The following SNX7 variants were observed in gnomAD, a reference collection of about 807,000 sequenced individuals.
SNX7 encodes the protein sorting nexin-7.
Under a neutral mutation model 48.4 loss-of-function variants are expected in SNX7, and 35 were observed. The ratio of observed to expected loss-of-function variants is 0.72; its 90% CI spans 0.55 to 0.96. SNX7 has a LOEUF of 0.96. SNX7 is among the 40% of genes least tolerant of loss of function. SNX7 has a pLI of 0.00. For missense variants in SNX7, 553 were observed against 548.9 expected (o/e 1.01, Z -0.07); for synonymous variants, 190 against 190.2 (o/e 1.00, Z 0.01).
At chr1:98,703,646 A>C (rs1313159085) in intron 7 of SNX7, among the ~76,000 whole-genome samples, 1 of 151,990 alleles carries the variant, frequency 6.6e-6, no homozygotes, top group Non-Finnish European at 1.5e-5. Flanking sequence ...CACTCTTTCT[A>C]TATATAGTTA....
At chr1:98,741,678 A>G (rs912085322) in intron 8 of SNX7, among the ~76,000 whole-genome samples, 26 of 152,162 alleles carry the variant, frequency 1.7e-4, no homozygotes, top group African/African-American at 4.6e-4. Flanking sequence ...AAAGAAAATG[A>G]CTTCCTGCTA....
chr1:98,739,172 C>T (rs1004794214), intron 8 of SNX7, among the ~76,000 whole-genome samples: 1 of 152,024 alleles, frequency 6.6e-6, no homozygotes, highest in Non-Finnish European at 1.5e-5. Context: ...CCCTTACATG[C>T]GCAGTTCACA....
At position 98,735,004 on chromosome 1, in the gene SNX7, C is replaced by CT. The variant is rs767552787; in HGVS notation, c.1126-3232dup. On this transcript the variant is annotated intron_variant, in intron 7 of 8. Coordinates refer to ENST00000306121, the MANE Select transcript of SNX7 (RefSeq NM_015976.5). ...TTTTGCAGTATATGGATTGAATTTCCTATGGTTAGAGTTATTGAAACCCGA... is the reference window on the plus strand; with the variant it reads ...TTTTGCAGTATATGGATTGAATTTCCTTATGGTTAGAGTTATTGAAACCCGA... 7.8e-4 allele frequency among the ~76,000 whole-genome samples: 118 copies of CT among 152,176 alleles called. 1 individual carries two copies. The highest frequency in any genetic ancestry group is 1.3e-3 in the Non-Finnish European group (87 of 67,994).
chr1:98,733,890 T>C (rs12057921), intron 7 of SNX7, among the ~76,000 whole-genome samples: 42,035 of 152,050 alleles, frequency 0.28, 6,133 homozygotes, highest in Middle Eastern at 0.31. Context: ...TTTCCACATA[T>C]CTCTGACTCA....
intron 8 of SNX7, among the ~76,000 whole-genome samples, chr1:98,758,276 C>T (rs1654948292): frequency 6.6e-6 from 1 of 151,960 alleles, no homozygotes. Flanking sequence ...TGAGTATAGA[C>T]ATTTGGATAC....
chr1:98,751,854 T>C (rs936965777), intron 8 of SNX7, among the ~76,000 whole-genome samples: 1 of 152,096 alleles, frequency 6.6e-6, no homozygotes, highest in East Asian at 1.9e-4. Context: ...TGACATCTTA[T>C]TCAAATGGAA....
chr1:98,675,505 A>G (rs1650113970), intron 1 of SNX7, among the ~76,000 whole-genome samples: 1 of 152,166 alleles, frequency 6.6e-6, no homozygotes, highest in South Asian at 2.1e-4. Flanking sequence ...TTGTAAATTC[A>G]TGCAGATTTT....
rs960431733 is a variant in SNX7, at chr1:98,695,780, T to G, written c.838+64T>G. On this transcript the variant is annotated intron_variant, in intron 5 of 8. Coordinates refer to ENST00000306121, the MANE Select transcript of SNX7 (RefSeq NM_015976.5). ...AGTTTCTGATGAATCTTCACATTTG[T>G]TGGTGTAATATAGCAACATTCAGTT... The G allele has an allele frequency of 5.1e-6, 6 of 1,186,742 alleles. No homozygotes were observed. In the African/African-American group the frequency reaches 7.5e-5, roughly 15 times the overall value. The allele number at this position is 1,186,742 out of a possible 1,614,324, so 73.5% of individuals were successfully genotyped here.
intron 7 of SNX7, among the ~76,000 whole-genome samples, chr1:98,735,718 A>G (rs1370474340): frequency 6.6e-6 from 1 of 152,130 alleles, no homozygotes; most frequent in Non-Finnish European, 1.5e-5. Context: ...TTCATGCTGC[A>G]GTTTTTATAA....
chr1:98,738,403 T>A lies in SNX7; in HGVS notation c.1278+14T>A. 6.2e-7 allele frequency: 1 copy of A among 1,609,950 alleles called. No homozygotes were observed. The highest frequency in any genetic ancestry group is 8.5e-7 in the Non-Finnish European group (1 of 1,177,300). On this transcript the variant is annotated intron_variant, in intron 8 of 8. Coordinates refer to ENST00000306121, the MANE Select transcript of SNX7 (RefSeq NM_015976.5). ...TATTATGAACAGGTAATTAGTGTTGTTTGATATTGCTTCATTTTAAAGTTA... is the reference window on the plus strand; with the variant it reads ...TATTATGAACAGGTAATTAGTGTTGATTGATATTGCTTCATTTTAAAGTTA...
At chr1:98,745,977 T>G (rs2101046069) in intron 8 of SNX7, among the ~76,000 whole-genome samples, 1 of 152,178 alleles carries the variant, frequency 6.6e-6, no homozygotes, top group Non-Finnish European at 1.5e-5. Flanking sequence ...AATATGTCAC[T>G]TTTTTGTTGA....
intron 8 of SNX7, among the ~76,000 whole-genome samples, chr1:98,757,108 A>G (rs1654893958): frequency 6.6e-6 from 1 of 152,014 alleles, no homozygotes; most frequent in Non-Finnish European, 1.5e-5. Flanking sequence ...CATGATTGTA[A>G]ACTTCATGAG....
chr1:98,751,686 C>T (rs1005707769), intron 8 of SNX7, among the ~76,000 whole-genome samples: 1 of 152,052 alleles, frequency 6.6e-6, no homozygotes, highest in African/African-American at 2.4e-5. Context: ...ATTTTTTCTG[C>T]AGTGAGAAGG....
At chr1:98,722,009 C>A (rs1037122732) in intron 7 of SNX7, among the ~76,000 whole-genome samples, 2 of 151,986 alleles carry the variant, frequency 1.3e-5, no homozygotes, top group African/African-American at 4.8e-5. Flanking sequence ...GAGATCTCTA[C>A]CTGTTCTAAA....
At chr1:98,666,399 T>C (rs369973125) in intron 1 of SNX7, among the ~76,000 whole-genome samples, 26 of 152,198 alleles carry the variant, frequency 1.7e-4, no homozygotes, top group African/African-American at 6.3e-4. Flanking sequence ...GAGAGGTAGC[T>C]ACTGCCGGAA....
chr1:98,674,017 CTATG>C (rs1442141787), intron 1 of SNX7, among the ~76,000 whole-genome samples: 1 of 152,102 alleles, frequency 6.6e-6, no homozygotes, highest in East Asian at 1.9e-4. Context: ...TTTGAGGAAG[CTATG>C]TGTTTTATTT....
At chr1:98,689,602 G>GT (rs1015109505) in intron 2 of SNX7, among the ~76,000 whole-genome samples, 4 of 151,952 alleles carry the variant, frequency 2.6e-5, no homozygotes, top group East Asian at 1.9e-4. Context: ...TTAACTGCTG[G>GT]TTTTTTTCTT....
At chr1:98,713,877 C>G (rs1355934053) in intron 7 of SNX7, among the ~76,000 whole-genome samples, 1 of 152,110 alleles carries the variant, frequency 6.6e-6, no homozygotes, top group African/African-American at 2.4e-5. Flanking sequence ...TATCACAGAT[C>G]GCCATCACAG....
At chr1:98,745,787 A>G (rs1405952083) in intron 8 of SNX7, among the ~76,000 whole-genome samples, 2 of 152,066 alleles carry the variant, frequency 1.3e-5, no homozygotes, top group Admixed American at 1.3e-4. Context: ...AGGTTACATC[A>G]TTGCTACTTT....
Sources: allele counts gnomAD v4.1 joint callset (sites outside exome capture counted in the v4.1 genomes callset), GRCh38; gene constraint gnomAD v4.1.1; transcripts MANE v1.5; gene names NCBI Gene and HGNC (gene_info 2026-07-23, HGNC 2026-07-21).